Variants in ZNF708 observed in about 807,000 individuals in gnomAD.
ZNF708 encodes the protein zinc finger protein 708.
In ZNF708, 44 loss-of-function variants were observed where a neutral mutation model predicts 47.0. That is an observed-to-expected ratio of 0.94 (90% CI 0.74 to 1.20). ZNF708 has a LOEUF of 1.20. Ranked by LOEUF, ZNF708 falls within the 50% of genes most tolerant of loss-of-function variation. The pLI, the probability that ZNF708 is intolerant of heterozygous loss-of-function variation, is 0.00. For synonymous variants in ZNF708, 184 were observed against 218.5 expected, an observed-to-expected ratio of 0.84 and a Z score of 1.39; for missense variants, 557 against 656.0, an observed-to-expected ratio of 0.85 and a Z score of 1.65.
chr19:21,297,048 G>A (rs530104220), intron 3 of ZNF708, among the ~76,000 whole-genome samples: 65 of 151,266 alleles, frequency 4.3e-4, no homozygotes, highest in African/African-American at 1.4e-3. Context: ...CAGGAGAATC[G>A]CTTTAACCTG....
At chr19:21,316,235 C>T (rs1259121463) in intron 1 of ZNF708, among the ~76,000 whole-genome samples, 1 of 149,252 alleles carries the variant, frequency 6.7e-6, no homozygotes, top group African/African-American at 2.5e-5. Flanking sequence ...CCGGATTCTC[C>T]TGCCTCAGCC....
intron 2 of ZNF708, among the ~76,000 whole-genome samples, chr19:21,309,601 G>C (rs772437432): frequency 1.3e-5 from 2 of 152,046 alleles, no homozygotes; most frequent in Non-Finnish European, 2.9e-5. Flanking sequence ...CTAGCTACTC[G>C]GGAGGCTGAG....
At chr19:21,312,353 C>T (rs1972916837) in intron 1 of ZNF708, among the ~76,000 whole-genome samples, 1 of 151,768 alleles carries the variant, frequency 6.6e-6, no homozygotes. Flanking sequence ...ATCCCAGCTA[C>T]TTGGGAGGCT....
intron 1 of ZNF708, among the ~76,000 whole-genome samples, chr19:21,328,402 T>C (rs1973305978): frequency 6.6e-6 from 1 of 152,122 alleles, no homozygotes; most frequent in Non-Finnish European, 1.5e-5. Context: ...CATTTGGAAA[T>C]GTCAGAAGGA....
chr19:21,297,268 A>T (rs865984721), intron 3 of ZNF708, among the ~76,000 whole-genome samples: 4 of 15,350 alleles, frequency 2.6e-4, no homozygotes, highest in East Asian at 1.8e-3. Flanking sequence ...ATATATATAT[A>T]TATTTTTTTT....
intron 1 of ZNF708, among the ~76,000 whole-genome samples, chr19:21,321,345 TG>T (rs1193787791): frequency 6.6e-6 from 1 of 151,966 alleles, no homozygotes; most frequent in African/African-American, 2.4e-5. Flanking sequence ...GCCACCACAT[TG>T]GGAGACCAAG....
In ZNF708 at chr19:21,293,330, T is replaced by C; in HGVS notation, c.1636A>G (p.Asn546Asp). The C allele has an allele frequency of 6.2e-7, 1 of 1,613,222 alleles. No individual in the cohort carries two copies. Among genetic ancestry groups the C allele is most frequent in the Middle Eastern group, 1.7e-4 (1 of 6,058 alleles). ...TGAATTCTCTTATGTTTAGTAAGGT[T>C]TGGGGACTGGTTAAAGGCTTTGCCA... ...ECGKAFNQSPNLTKHKRIHTK... is the reference protein window; with the variant it reads ...ECGKAFNQSPDLTKHKRIHTK... Residue 546 changes from asparagine to aspartate, a missense_variant, in exon 4 of 4, where the codon AAC becomes GAC. Transcript: ENST00000356929.
At chr19:21,295,926 C>T (rs1010951991) in intron 3 of ZNF708, among the ~76,000 whole-genome samples, 1 of 151,812 alleles carries the variant, frequency 6.6e-6, no homozygotes, top group Non-Finnish European at 1.5e-5. Context: ...AAATACTACA[C>T]AGTGAATGAA....
At chr19:21,316,023 C>T (rs1972995777) in intron 1 of ZNF708, among the ~76,000 whole-genome samples, 1 of 142,980 alleles carries the variant, frequency 7.0e-6, no homozygotes, top group Non-Finnish European at 1.5e-5. Context: ...GAGCCGAGTT[C>T]GTGCCATTGC....
rs150522286 is a variant in ZNF708 at position 21,321,953 on chromosome 19, G to A, written c.3+7257C>T. On this transcript the variant is annotated intron_variant, in intron 1 of 3. Coordinates refer to ENST00000356929, the MANE Select transcript of ZNF708 (RefSeq NM_021269.3). ...GATGGAAGGACTGGTTTGTGCCTGGGTGGGGCTGTACTCTAATTTATTTCT... is the reference window on the plus strand; with the variant it reads ...GATGGAAGGACTGGTTTGTGCCTGGATGGGGCTGTACTCTAATTTATTTCT... 6.3e-3 allele frequency among the ~76,000 whole-genome samples: 958 copies of A among 152,074 alleles called. 10 individuals carry two copies. The highest frequency in any genetic ancestry group is 0.024 in the South Asian group (114 of 4,806).
intron 3 of ZNF708, among the ~76,000 whole-genome samples, chr19:21,302,312 G>T (rs1398724289): frequency 6.6e-6 from 1 of 152,046 alleles, no homozygotes; most frequent in Non-Finnish European, 1.5e-5. Flanking sequence ...TAGATGCATA[G>T]TATAAAATAA....
chr19:21,297,252 A>ATG (rs1972545307), intron 3 of ZNF708, among the ~76,000 whole-genome samples: 1 of 12,510 alleles, frequency 8.0e-5, no homozygotes, highest in South Asian at 3.2e-3. Context: ...AGGTATATAT[A>ATG]TATATATATA....
chr19:21,294,657 A>G lies in ZNF708; in HGVS notation c.309T>C (p.Tyr103=). The G allele has an allele frequency of 6.2e-7, 1 of 1,614,086 alleles. No homozygotes were observed. Among genetic ancestry groups the G allele is most frequent in the Non-Finnish European group, 8.5e-7 (1 of 1,179,984 alleles). ...NSFQQVILRR[Y]GKCGYQKGCK... is the part of the protein sequence containing the mutation. ...AGCCTTTCTGATATCCACATTTTCC[A>G]TATCTTCTCAGTATCACTTGTTGGA... Residue 103 remains tyrosine (Y), a synonymous_variant, in exon 4 of 4, where the codon TAT becomes TAC. Transcript: ENST00000356929.
chr19:21,294,424 G>C lies in ZNF708; in HGVS notation c.542C>G (p.Ser181Ter). The C allele has an allele frequency of 6.2e-7, 1 of 1,614,134 alleles. No individual in the cohort carries two copies. Among genetic ancestry groups the C allele is most frequent in the Non-Finnish European group, 8.5e-7 (1 of 1,179,990 alleles). Residue 181 changes from serine to a stop codon, truncating the protein, a stop_gained, in exon 4 of 4, where the codon TCA (serine) becomes TGA (stop). Transcript: ENST00000356929. LOFTEE classifies it high-confidence loss of function. ...KECGKSFCML[S>*]QLTQHEIIHT... is the part of the protein sequence containing the mutation. ...AATTATCTCATGTTGAGTTAGTTGTGAAAGCATGCAAAATGATTTGCCACA... is the reference window on the plus strand; with the variant it reads ...AATTATCTCATGTTGAGTTAGTTGTCAAAGCATGCAAAATGATTTGCCACA...
chr19:21,303,854 A>G (rs1568347935), intron 3 of ZNF708, among the ~76,000 whole-genome samples: 1 of 151,954 alleles, frequency 6.6e-6, no homozygotes, highest in Non-Finnish European at 1.5e-5. Context: ...ATTTACCAGG[A>G]ATCTATAACT....
chr19:21,294,295 T>C lies in ZNF708; in HGVS notation c.671A>G (p.Tyr224Cys), dbSNP rs376564911. ...HKIIHTGEKPYKCEECGKAFN... is the reference protein window; with the variant it reads ...HKIIHTGEKPCKCEECGKAFN... ...AGCTTTTCCACATTCTTCACATTTG[T>C]AGGGTTTCTCTCCAGTATGAATTAT... Residue 224 changes from tyrosine (Y) to cysteine (C), a missense_variant, in exon 4 of 4, where the codon TAC becomes TGC. Transcript: ENST00000356929. 2.5e-6 allele frequency: 4 copies of C among 1,612,988 alleles called. No homozygotes were observed. In the African/African-American group the frequency reaches 5.3e-5, roughly 22 times the overall value.
chr19:21,313,839 T>C (rs1163632416), intron 1 of ZNF708, among the ~76,000 whole-genome samples: 1 of 152,128 alleles, frequency 6.6e-6, no homozygotes, highest in African/African-American at 2.4e-5. Context: ...TAATGTAGTT[T>C]TGAGGAATTT....
At chr19:21,305,709 C>T (rs1478858467) in intron 3 of ZNF708, among the ~76,000 whole-genome samples, 1 of 152,042 alleles carries the variant, frequency 6.6e-6, no homozygotes, top group Non-Finnish European at 1.5e-5. Context: ...GATCTGCCCG[C>T]CTGGGCCTCC....
intron 3 of ZNF708, 86 bp downstream of exon 3, chr19:21,309,160 T>C: frequency 3.1e-6 from 4 of 1,291,586 alleles, no homozygotes; most frequent in Non-Finnish European, 3.1e-6. Context: ...GGAACACAGA[T>C]TTCCAAGTCA....
Sources: allele counts gnomAD v4.1 joint callset (sites outside exome capture counted in the v4.1 genomes callset), GRCh38; gene constraint gnomAD v4.1.1; transcripts MANE v1.5; gene names NCBI Gene and HGNC (gene_info 2026-07-23, HGNC 2026-07-21).